Variants in TENM4 observed in about 807,000 individuals in gnomAD.
TENM4 encodes teneurin transmembrane protein 4.
A neutral mutation model predicts 243.3 loss-of-function variants in TENM4; 82 were observed. That is an observed-to-expected ratio of 0.34 (90% CI 0.28 to 0.40). The LOEUF is 0.40. Ranked by LOEUF, TENM4 falls within the 10% of genes least tolerant of loss-of-function variation. The pLI is 1.00. For missense variants in TENM4, 3,138 were observed against 3,673.3 expected (o/e 0.85, Z 3.77); for synonymous variants, 1,412 against 1,456.3 (o/e 0.97, Z 0.69).
At position 79,018,472 on chromosome 11, in the gene TENM4, C is replaced by A. The variant is rs115913935; in HGVS notation, c.493+46266G>T. ...CACATGCACACACACACACACATCC[C>A]CCCACACACATCCCTACCCCACATG... On this transcript the variant is annotated intron_variant, in intron 6 of 33. Transcript: ENST00000278550. Among the ~76,000 whole-genome samples the A allele has an allele frequency of 2.3e-3, 347 of 152,124 alleles. 2 individuals are homozygous for A. Among genetic ancestry groups the A allele is most frequent in the African/African-American group, 7.4e-3 (309 of 41,492 alleles).
At chr11:78,910,434 C>T (rs1856160369) in intron 6 of TENM4, among the ~76,000 whole-genome samples, 1 of 152,192 alleles carries the variant, frequency 6.6e-6, no homozygotes, top group Non-Finnish European at 1.5e-5. Context: ...GTGCTGAGAG[C>T]TTAGCTAATG....
Position 79,282,816 on chromosome 11 carries a change from GAA to G in TENM4, c.-265+14670_-265+14671del, listed in dbSNP as rs34187402. Among the ~76,000 whole-genome samples, 53 of 148,250 alleles carry G rather than the reference GAA, an allele frequency of 3.6e-4. 1 individual carries two copies. Among genetic ancestry groups the G allele is most frequent in the East Asian group, 1.4e-3 (7 of 5,046 alleles). On this transcript the variant is annotated intron_variant, in intron 2 of 33. Coordinates refer to ENST00000278550, the MANE Select transcript of TENM4 (RefSeq NM_001098816.3). Reference sequence around the variant, plus strand: ...ATTTGTGTGGAAATATTTAAAATTGGAAAAAAAAAAACTGCAGGAAAAAGGCA... The same window carrying G: ...ATTTGTGTGGAAATATTTAAAATTGGAAAAAAAAACTGCAGGAAAAAGGCA...
At position 79,036,826 on chromosome 11, in the gene TENM4, G is replaced by A. The variant is rs974257519; in HGVS notation, c.493+27912C>T. Among the ~76,000 whole-genome samples, 6 of 151,944 alleles carry A rather than the reference G, an allele frequency of 3.9e-5. No homozygotes were observed. The South Asian group carries it at 6.2e-4, about 16-fold the overall frequency. On this transcript the variant is annotated intron_variant, in intron 6 of 33. Coordinates refer to ENST00000278550, the MANE Select transcript of TENM4 (RefSeq NM_001098816.3). Reference sequence around the variant, plus strand: ...GGAGATCAAGACCATCCTGGCTAACGTGGTGAAACCCTGTCTCTACTAAAA... The same window carrying A: ...GGAGATCAAGACCATCCTGGCTAACATGGTGAAACCCTGTCTCTACTAAAA...
rs11607708 is a variant in TENM4, at chr11:79,031,782, A to G, written c.493+32956T>C. Among the ~76,000 whole-genome samples the G allele has an allele frequency of 7.4e-3, 1,126 of 152,270 alleles. 7 individuals carry two copies. The highest frequency in any genetic ancestry group is 0.012 in the Non-Finnish European group (816 of 68,018). On this transcript the variant is annotated intron_variant, in intron 6 of 33. Coordinates refer to ENST00000278550, the MANE Select transcript of TENM4 (RefSeq NM_001098816.3). The stretch of plus-strand genomic sequence containing the variant: ...GCAAACGTGAGTGAACGTTGCTTCT[A>G]CTTTCATGCTAGGGCATTGGTTCTT...
intron 6 of TENM4, among the ~76,000 whole-genome samples, chr11:78,943,612 A>C (rs1035046703): frequency 6.6e-6 from 1 of 152,218 alleles, no homozygotes; most frequent in Non-Finnish European, 1.5e-5. Context: ...TTTTCAAGGC[A>C]TATTTAAAAA....
In TENM4 at chr11:78,670,545, C is replaced by A; in HGVS notation, c.5800G>T (p.Val1934Leu). The change falls in exon 32 of 34, where the codon GTG becomes TTG. Residue 1934 changes from valine (V) to leucine (L), a missense_variant. Around this residue, in one of 2 missense-constraint regions of TENM4, gnomAD observed 2,467 missense variants for 3,059.1 expected, o/e 0.81. Coordinates refer to ENST00000278550, the MANE Select transcript of TENM4 (RefSeq NM_001098816.3). ...TGCCTCTGGCTGTGTAGTAGCAGCA[C>A]CATGGACTGGAGGGAGAGGAAAACC... Reference protein sequence around the residue: ...WSYTYLEKSMVLLLHSQRQYI... With the variant: ...WSYTYLEKSMLLLLHSQRQYI... 2 of 1,602,404 alleles carry A rather than the reference C, an allele frequency of 1.2e-6. No individual in the cohort carries two copies.
chr11:79,426,594 C>T (rs986145893), intron 1 of TENM4, among the ~76,000 whole-genome samples: 7 of 152,132 alleles, frequency 4.6e-5, no homozygotes, highest in African/African-American at 9.7e-5. Flanking sequence ...AAGAGTGGTC[C>T]GCTGTGAGGT....
At chr11:78,664,389 A>C (rs1858100094) in intron 32 of TENM4, among the ~76,000 whole-genome samples, 1 of 152,034 alleles carries the variant, frequency 6.6e-6, no homozygotes, top group Non-Finnish European at 1.5e-5. Flanking sequence ...GCGTGCCATC[A>C]TCCCTAGCTA....
chr11:79,399,818 G>GTAA (rs1344933539), intron 1 of TENM4, among the ~76,000 whole-genome samples: 1 of 152,088 alleles, frequency 6.6e-6, no homozygotes, highest in Non-Finnish European at 1.5e-5. Flanking sequence ...TTCCTTCTCT[G>GTAA]TAAAGAATGG....
chr11:79,247,908 G>A (rs963517394), intron 2 of TENM4, among the ~76,000 whole-genome samples: 4 of 152,188 alleles, frequency 2.6e-5, no homozygotes, highest in African/African-American at 9.7e-5. Context: ...GAAACCGGGG[G>A]AAACTGAGGT....
Position 78,690,420 on chromosome 11 carries a change from T to C in TENM4, c.5088-2194A>G, listed in dbSNP as rs568032090. 5.9e-5 allele frequency among the ~76,000 whole-genome samples: 9 copies of C among 152,202 alleles called. No homozygotes were observed. In the South Asian group the frequency reaches 1.9e-3, roughly 31 times the overall value. ...CAGTGGTTATCTCTGGGAGGTAGAA[T>C]TACAGGTGATTTGAATTGCTTATTT... On this transcript the variant is annotated intron_variant, in intron 28 of 33. Transcript: ENST00000278550.
chr11:79,248,627 T>G (rs1855559526), intron 2 of TENM4, among the ~76,000 whole-genome samples: 1 of 152,234 alleles, frequency 6.6e-6, no homozygotes, highest in East Asian at 1.9e-4. Flanking sequence ...CTTCAAATAC[T>G]ATTTTTAAAA....
intron 2 of TENM4, among the ~76,000 whole-genome samples, chr11:79,291,942 G>A (rs1340958098): frequency 6.6e-6 from 1 of 152,146 alleles, no homozygotes. Context: ...TGCAAATTGA[G>A]CCCTGGTGCT....
chr11:79,199,796 C>T (rs926392799), intron 3 of TENM4, among the ~76,000 whole-genome samples: 1 of 152,226 alleles, frequency 6.6e-6, no homozygotes, highest in African/African-American at 2.4e-5. Context: ...GACAGTAATC[C>T]TCTGCTGCCT....
Position 78,913,750 on chromosome 11 carries a change from C to T in TENM4, c.494-10227G>A, listed in dbSNP as rs7125486. ...AAAAGCACGAAGAAACAGGGACGGCCATGCTGTGCTGATTTGCTGGAGCGG... is the reference window on the plus strand; with the variant it reads ...AAAAGCACGAAGAAACAGGGACGGCTATGCTGTGCTGATTTGCTGGAGCGG... On this transcript the variant is annotated intron_variant, in intron 6 of 33. Coordinates refer to ENST00000278550, the MANE Select transcript of TENM4 (RefSeq NM_001098816.3). Among the ~76,000 whole-genome samples the T allele has an allele frequency of 5.2e-3, 797 of 152,192 alleles. 9 individuals carry two copies. Among genetic ancestry groups the T allele is most frequent in the African/African-American group, 0.019 (772 of 41,514 alleles).
chr11:78,738,079 T>C (rs1165765653), intron 20 of TENM4, among the ~76,000 whole-genome samples: 2 of 152,236 alleles, frequency 1.3e-5, no homozygotes, highest in African/African-American at 4.8e-5. Context: ...ATGGCTTACA[T>C]AGATCTAAGC....
intron 12 of TENM4, among the ~76,000 whole-genome samples, chr11:78,851,450 G>A (rs1858537162): frequency 6.6e-6 from 1 of 152,194 alleles, no homozygotes; most frequent in South Asian, 2.1e-4. Flanking sequence ...TGTGCCTATG[G>A]TTTATTCCTC....
intron 2 of TENM4, among the ~76,000 whole-genome samples, chr11:79,273,880 C>A (rs1856009885): frequency 6.6e-6 from 1 of 152,220 alleles, no homozygotes; most frequent in South Asian, 2.1e-4. Context: ...GAGACCCCTG[C>A]AAAGATCTGA....
At chr11:79,043,243 C>T (rs1193454984) in intron 6 of TENM4, among the ~76,000 whole-genome samples, 2 of 152,210 alleles carry the variant, frequency 1.3e-5, no homozygotes, top group Non-Finnish European at 2.9e-5. Flanking sequence ...CTATTGTGTT[C>T]ATACCTCAGA....
Sources: allele counts gnomAD v4.1 joint callset (sites outside exome capture counted in the v4.1 genomes callset), GRCh38; gene constraint gnomAD v4.1.1; regional missense constraint gnomAD v4.1.1; transcripts MANE v1.5; gene names NCBI Gene and HGNC (gene_info 2026-07-23, HGNC 2026-07-21).